Variants in MYO1G observed in about 807,000 individuals in gnomAD.
MYO1G encodes myosin IG, also known as unconventional myosin-Ig.
In MYO1G, 65 loss-of-function variants were observed where a neutral mutation model predicts 115.3. That is an observed-to-expected ratio of 0.56 (90% CI 0.46 to 0.69). The LOEUF is 0.69. Ranked by LOEUF, MYO1G falls within the 30% of genes least tolerant of loss-of-function variation. MYO1G has a pLI of 0.00. For missense variants in MYO1G, 1,204 were observed against 1,393.5 expected, an observed-to-expected ratio of 0.86 and a Z score of 2.16; for synonymous variants, 510 against 552.6, an observed-to-expected ratio of 0.92 and a Z score of 1.08.
At position 44,966,941 on chromosome 7, in the gene MYO1G, A is replaced by G. The variant is rs1340488266; in HGVS notation, c.1783-103T>C. The G allele has an allele frequency of 1.4e-5, 18 of 1,252,540 alleles. No homozygotes were observed. The highest frequency in any genetic ancestry group is 2.0e-5 in the Non-Finnish European group (18 of 905,768). 77.6% of individuals were successfully genotyped at this position (1,252,540 alleles called of 1,614,324 possible). Reference sequence around the variant, plus strand: ...ACCCCTCAAGGTCCCAGGCCAGGAGAAGAGTTGGGAACAAAGAAGGGAAAT... The same window carrying G: ...ACCCCTCAAGGTCCCAGGCCAGGAGGAGAGTTGGGAACAAAGAAGGGAAAT... On this transcript the variant is annotated intron_variant, in intron 14 of 21. Transcript: ENST00000258787. This position sits in a 1 kb window ranked among gnomAD's most constrained non-coding sequence, Gnocchi z 5.0.
Position 44,966,250 on chromosome 7 carries a change from G to T in MYO1G, c.1980C>A (p.Pro660=). Residue 660 remains proline (P), a synonymous_variant, in exon 16 of 22, where the codon CCC becomes CCA. Coordinates refer to ENST00000258787, the MANE Select transcript of MYO1G (RefSeq NM_033054.3). The surrounding 1 kb of genome is among the most constrained non-coding windows in gnomAD (Gnocchi z 5.0). ...CCTTGTCGGAGCCCAGCAGGTGGTT[G>T]GGCCATGTGTATTCACAGGTCATCT... ...RYKMTCEYTW[P]NHLLGSDKAA... 1 of 1,610,588 alleles carries T rather than the reference G, an allele frequency of 6.2e-7. No homozygotes were observed. The highest frequency in any genetic ancestry group is 8.5e-7 in the Non-Finnish European group (1 of 1,179,076).
chr7:44,975,186 G>A lies in MYO1G; in HGVS notation c.606C>T (p.His202=), dbSNP rs754940709. The change falls in exon 5 of 22, where the codon CAC becomes CAT. Residue 202 remains histidine (H), a synonymous_variant. Transcript: ENST00000258787. The part of the protein sequence containing the change: ...LKQHVGERNF[H]AFYQLLRGSE... ...CCTCAGGGCTTACTTGGTAGAAGGC[G>A]TGGAAGTTTCTTTCACCCACGTGCT... The A allele has an allele frequency of 9.9e-6, 16 of 1,613,982 alleles. No individual in the cohort carries two copies. In the East Asian group the frequency reaches 1.3e-4, roughly 13 times the overall value.
At chr7:44,976,464 C>T (rs1795050767) in intron 3 of MYO1G, 100 bp downstream of exon 3, 2 of 1,127,310 alleles carry the variant, frequency 1.8e-6, no homozygotes, top group Admixed American at 3.6e-5. Context: ...CTGAGCTAGA[C>T]TCCAGTTGCC....
chr7:44,968,018 A>G lies in MYO1G; in HGVS notation c.1575-60T>C. On this transcript the variant is annotated intron_variant, in intron 12 of 21. Coordinates refer to ENST00000258787, the MANE Select transcript of MYO1G (RefSeq NM_033054.3). Reference sequence around the variant, plus strand: ...CGGGGGCTGCCAGGCCAGAGTGCTAATGACCCCAGCAGCCCCCACTCTCTT... The same window carrying G: ...CGGGGGCTGCCAGGCCAGAGTGCTAGTGACCCCAGCAGCCCCCACTCTCTT... 2.1e-6 allele frequency: 3 copies of G among 1,426,644 alleles called. No homozygotes were observed. In the East Asian group the frequency reaches 6.9e-5, roughly 33 times the overall value. The allele number at this position is 1,426,644 out of a possible 1,614,324, so 88.4% of individuals were successfully genotyped here.
chr7:44,975,314 G>C lies in MYO1G; in HGVS notation c.565-87C>G. 2.0e-6 allele frequency: 3 copies of C among 1,537,476 alleles called. No homozygotes were observed. In the African/African-American group the frequency reaches 4.1e-5, roughly 21 times the overall value. On this transcript the variant is annotated intron_variant, in intron 4 of 21. Coordinates refer to ENST00000258787, the MANE Select transcript of MYO1G (RefSeq NM_033054.3). The stretch of plus-strand genomic sequence containing the variant: ...CTGAACATTCCCAGGTGCAAGGCAG[G>C]CTGGGGGTCAGAGAGTCCTGACTAT...
rs1481559132 is a variant in MYO1G, at chr7:44,963,769, T to C, written c.2745+280A>G. ...GAATGCCCAGGTGGGAGAACCCCAG[T>C]TGGGCACAAGTTGGAAGAGGGGACC... On this transcript the variant is annotated intron_variant, in intron 20 of 21. Coordinates refer to ENST00000258787, the MANE Select transcript of MYO1G (RefSeq NM_033054.3). This position sits in a 1 kb window ranked among gnomAD's most constrained non-coding sequence, Gnocchi z 4.1. 2.3e-6 allele frequency: 1 copy of C among 438,312 alleles called. No individual in the cohort carries two copies. The highest frequency in any genetic ancestry group is 2.0e-5 in the African/African-American group (1 of 50,450). The allele number at this position is 438,312 out of a possible 1,614,324, so 27.2% of individuals were successfully genotyped here.
chr7:44,962,962 G>C lies in MYO1G; in HGVS notation c.2900+8C>G. 6.5e-7 allele frequency: 1 copy of C among 1,529,688 alleles called. No individual in the cohort carries two copies. 94.8% of individuals were successfully genotyped at this position (1,529,688 alleles called of 1,614,324 possible). A position where few individuals can be genotyped will look rare whatever the true frequency, so the allele number is the denominator to read the frequency against. ...CTTCGTGCCCGCTACCGCCCAGCCTGCACTCACCCCTGGCAGTGTGCGGCC... is the reference window on the plus strand; with the variant it reads ...CTTCGTGCCCGCTACCGCCCAGCCTCCACTCACCCCTGGCAGTGTGCGGCC... On this transcript the variant is annotated splice_region_variant and intron_variant, in intron 21 of 21. Transcript: ENST00000258787. The surrounding 1 kb of genome is among the most constrained non-coding windows in gnomAD (Gnocchi z 5.3).
chr7:44,962,901 G>A lies in MYO1G; in HGVS notation c.2901-6C>T. 6.7e-7 allele frequency: 1 copy of A among 1,489,300 alleles called. No individual in the cohort carries two copies. The allele number at this position is 1,489,300 out of a possible 1,614,324, so 92.3% of individuals were successfully genotyped here. A position where few individuals can be genotyped will look rare whatever the true frequency, so the allele number is the denominator to read the frequency against. Reference sequence around the variant, plus strand: ...CCTCCAGGGTGCGGCCCTCCCTGCGGCAGGAGGAGGGGTCAGGGCGGCCAC... The same window carrying A: ...CCTCCAGGGTGCGGCCCTCCCTGCGACAGGAGGAGGGGTCAGGGCGGCCAC... On this transcript the variant is annotated splice_region_variant and splice_polypyrimidine_tract_variant and intron_variant, in intron 21 of 21. Transcript: ENST00000258787. The surrounding 1 kb of genome is among the most constrained non-coding windows in gnomAD (Gnocchi z 5.3).
chr7:44,969,750 G>A lies in MYO1G; in HGVS notation c.1458C>T (p.Thr486=). Residue 486 remains threonine, a synonymous_variant, in exon 11 of 22, where the codon ACC becomes ACT. Transcript: ENST00000258787. This position sits in a 1 kb window ranked among gnomAD's most constrained non-coding sequence, Gnocchi z 5.0. ...GGTGATGGCGGTGGTGCATGTCCAG[G>A]GTCTGCAGGAAGATTCGGTCAGTGA... ...GTITDRIFLQ[T]LDMHHRHHLH... is the part of the protein sequence containing the mutation. The A allele has an allele frequency of 1.2e-6, 2 of 1,609,380 alleles. No homozygotes were observed. The highest frequency in any genetic ancestry group is 1.1e-5 in the South Asian group (1 of 90,614).
At chr7:44,976,730 A>G in intron 2 of MYO1G, 73 bp from the exon 3 acceptor site, 1 of 1,593,204 alleles carries the variant, frequency 6.3e-7, no homozygotes. Flanking sequence ...GCCCACTCAC[A>G]CCCCCAAGAC....
chr7:44,971,160 G>T, intron 7 of MYO1G, 101 bp from the exon 8 acceptor site: 2 of 1,016,052 alleles, frequency 2.0e-6, no homozygotes, highest in Non-Finnish European at 2.9e-6. Context: ...ACATGGATGC[G>T]GTAGAGTACA....
chr7:44,966,565 C>T lies in MYO1G; in HGVS notation c.1949+107G>A. The T allele has an allele frequency of 7.1e-7, 1 of 1,399,516 alleles. No individual in the cohort carries two copies. Among genetic ancestry groups the T allele is most frequent in the South Asian group, 1.2e-5 (1 of 85,034 alleles). The allele number at this position is 1,399,516 out of a possible 1,614,324, so 86.7% of individuals were successfully genotyped here. A position where few individuals can be genotyped will look rare whatever the true frequency, so the allele number is the denominator to read the frequency against. ...GAGGCCAGCAGCGTGCTGGTTCCTG[C>T]TTGTATCGATGTTTGCGACGTGCTG... is the stretch of plus-strand genomic sequence containing the variant. On this transcript the variant is annotated intron_variant, in intron 15 of 21. Transcript: ENST00000258787. The surrounding 1 kb of genome is among the most constrained non-coding windows in gnomAD (Gnocchi z 5.0).
Position 44,972,215 on chromosome 7 carries a change from C to T in MYO1G, c.629G>A (p.Gly210Asp). Residue 210 changes from glycine to aspartate, a missense_variant, in exon 6 of 22, where the codon GGC (glycine) becomes GAC (aspartate). Coordinates refer to ENST00000258787, the MANE Select transcript of MYO1G (RefSeq NM_033054.3). ...NFHAFYQLLR[G>D]SEDKQLHELH... The stretch of plus-strand genomic sequence containing the variant: ...TTCATGCAGCTGCTTGTCCTCACTG[C>T]CTCTCAGCAACTAGAGGACACAGGC... 1 of 1,613,720 alleles carries T rather than the reference C, an allele frequency of 6.2e-7. No homozygotes were observed. The highest frequency in any genetic ancestry group is 8.5e-7 in the Non-Finnish European group (1 of 1,179,720).
intron 6 of MYO1G, 39 bp from the exon 7 acceptor site, chr7:44,971,828 G>A: frequency 7.0e-7 from 1 of 1,435,142 alleles, no homozygotes; most frequent in South Asian, 1.2e-5. Flanking sequence ...AGCCACACTG[G>A]GCCCAGGACA....
Position 44,969,918 on chromosome 7 carries a change from A to G in MYO1G, c.1333-43T>C, listed in dbSNP as rs774413894. On this transcript the variant is annotated intron_variant, in intron 10 of 21. Coordinates refer to ENST00000258787, the MANE Select transcript of MYO1G (RefSeq NM_033054.3). The surrounding 1 kb of genome is among the most constrained non-coding windows in gnomAD (Gnocchi z 5.0). ...AGCAAGGAAGCTCCCAAGGTCTTTC[A>G]GGCCACCTCCCCTCCTCCGCCCCAC... is the stretch of plus-strand genomic sequence containing the variant. 7.6e-6 allele frequency: 12 copies of G among 1,586,440 alleles called. No individual in the cohort carries two copies. The highest frequency in any genetic ancestry group is 1.0e-5 in the Non-Finnish European group (12 of 1,164,868).
chr7:44,976,034 C>T (rs1045721384), intron 3 of MYO1G, among the ~76,000 whole-genome samples: 1 of 152,226 alleles, frequency 6.6e-6, no homozygotes, highest in African/African-American at 2.4e-5. Context: ...CATATGTGCT[C>T]AGGAACTGAC....
intron 7 of MYO1G, among the ~76,000 whole-genome samples, chr7:44,971,387 C>G (rs1794955791): frequency 6.6e-6 from 1 of 152,358 alleles, no homozygotes; most frequent in Middle Eastern, 3.4e-3. Context: ...GGCCAAGAGG[C>G]ACTGAGTAAA....
At chr7:44,965,983 C>A in intron 16 of MYO1G, 90 bp downstream of exon 16, 1 of 1,556,364 alleles carries the variant, frequency 6.4e-7, no homozygotes, top group South Asian at 1.1e-5. Context: ...AGCAGAGACT[C>A]CTGTGAAACT....
Position 44,965,020 on chromosome 7 carries a change from G to T in MYO1G, c.2451C>A (p.Ala817=). ...GAAGCCCTTGCAGGGCCCCCATGGC[G>T]GCCACCTTGGCCTTGATCTGGGGCA... ...SDMPQIKAKV[A]AMGALQGLRQ... Residue 817 remains alanine, a synonymous_variant, in exon 18 of 22, where the codon GCC becomes GCA. Coordinates refer to ENST00000258787, the MANE Select transcript of MYO1G (RefSeq NM_033054.3). The T allele has an allele frequency of 6.2e-7, 1 of 1,611,490 alleles. No individual in the cohort carries two copies. The highest frequency in any genetic ancestry group is 8.5e-7 in the Non-Finnish European group (1 of 1,178,614).
Sources: gnomAD v4.1 joint callset for allele counts (sites outside exome capture counted in the v4.1 genomes callset) on GRCh38, gnomAD v4.1.1 for gene constraint, Gnocchi (gnomAD v3.1) non-coding constraint, MANE v1.5 for transcripts, NCBI Gene and HGNC (gene_info 2026-07-23, HGNC 2026-07-21) for gene names.